The following SNX32 variants were observed in gnomAD, a reference collection of about 807,000 sequenced individuals.
The protein encoded by SNX32 is sorting nexin 32.
In SNX32, 58 loss-of-function variants were observed where a neutral mutation model predicts 57.0. That is an observed-to-expected ratio of 1.02 (90% CI 0.82 to 1.27). The LOEUF (loss-of-function observed/expected upper bound fraction) is 1.27. Ranked by LOEUF, SNX32 falls within the 50% of genes most tolerant of loss-of-function variation. SNX32 has a pLI of 0.00. For missense variants in SNX32, 589 were observed against 541.2 expected (o/e 1.09, Z -0.88); for synonymous variants, 262 against 220.4 (o/e 1.19, Z -1.67).
chr11:65,845,383 A>G (rs1858964385), intron 1 of SNX32, among the ~76,000 whole-genome samples: 1 of 150,956 alleles, frequency 6.6e-6, no homozygotes, highest in Admixed American at 6.6e-5. Flanking sequence ...GGTTGCAGTG[A>G]GCTGAGATCG....
rs190022261 is a variant in SNX32, at chr11:65,843,748, C to T, written c.37-5730C>T. 5.8e-4 allele frequency among the ~76,000 whole-genome samples: 89 copies of T among 152,280 alleles called. 1 individual carries two copies. Among genetic ancestry groups the T allele is most frequent in the Non-Finnish European group, 6.6e-4 (45 of 68,028 alleles). On this transcript the variant is annotated intron_variant, in intron 1 of 12. Coordinates refer to ENST00000308342, the MANE Select transcript of SNX32 (RefSeq NM_152760.3). Reference sequence around the variant, plus strand: ...AAAGACTGTTATGTTGAGCTTGTAACATTTGAACCATTAAGAGTCAAAGGC... The same window carrying T: ...AAAGACTGTTATGTTGAGCTTGTAATATTTGAACCATTAAGAGTCAAAGGC...
intron 1 of SNX32, among the ~76,000 whole-genome samples, chr11:65,845,501 C>T (rs914507502): frequency 4.0e-5 from 6 of 151,216 alleles, no homozygotes; most frequent in African/African-American, 1.5e-4. Context: ...TTTTGGAAGG[C>T]CAAGGTGGGC....
Position 65,850,500 on chromosome 11 carries a change from C to A in SNX32, c.444C>A (p.His148Gln). 3.1e-6 allele frequency: 5 copies of A among 1,614,028 alleles called. No individual in the cohort carries two copies. The highest frequency in any genetic ancestry group is 4.2e-6 in the Non-Finnish European group (5 of 1,179,932). The change falls in exon 5 of 13, where the codon CAC becomes CAA. Residue 148 changes from histidine (H) to glutamine (Q), a missense_variant. His to Gln is a conservative substitution (Grantham distance 24). Coordinates refer to ENST00000308342, the MANE Select transcript of SNX32 (RefSeq NM_152760.3). ...TCTTTCTGCAGCGCCTGGCGGCCCA[C>A]CCCACCCTGCGTCGAGACCACAACT... ...HEVFLQRLAAHPTLRRDHNFF... is the reference protein window; with the variant it reads ...HEVFLQRLAAQPTLRRDHNFF...
At chr11:65,850,645 G>A (rs1487491065) in intron 5 of SNX32, 91 bp downstream of exon 5, 5 of 1,558,842 alleles carry the variant, frequency 3.2e-6, no homozygotes, top group African/African-American at 1.4e-5. Flanking sequence ...TGGAGAAGGG[G>A]CCCAAGTGGG....
intron 1 of SNX32, among the ~76,000 whole-genome samples, chr11:65,848,975 C>T (rs1048527134): frequency 2.6e-5 from 4 of 151,898 alleles, no homozygotes; most frequent in Non-Finnish European, 5.9e-5. Flanking sequence ...GAAACCCCGT[C>T]TCTACTAAAA....
chr11:65,843,885 G>C (rs957534383), intron 1 of SNX32, among the ~76,000 whole-genome samples: 4 of 152,196 alleles, frequency 2.6e-5, no homozygotes, highest in Admixed American at 2.6e-4. Context: ...CTTTCAAAGA[G>C]GTGGCAGGAA....
At position 65,852,710 on chromosome 11, in the gene SNX32, C is replaced by T. The variant is rs1859246167; in HGVS notation, c.993C>T (p.Asn331=). ...NKALDKARTR[N]REVRPAESHQ... is the part of the protein sequence containing the mutation. Reference sequence around the variant, plus strand: ...CGCTGGACAAGGCGCGCACCAGGAACCGGGAGGTGCGGCCCGCCGAGAGCC... The same window carrying T: ...CGCTGGACAAGGCGCGCACCAGGAATCGGGAGGTGCGGCCCGCCGAGAGCC... Residue 331 remains asparagine, a synonymous_variant, in exon 11 of 13, where the codon AAC becomes AAT. Transcript: ENST00000308342. 1 of 1,599,302 alleles carries T rather than the reference C, an allele frequency of 6.3e-7. No homozygotes were observed. The highest frequency in any genetic ancestry group is 2.2e-5 in the East Asian group (1 of 44,490).
intron 9 of SNX32, 32 bp from the exon 10 acceptor site, chr11:65,852,433 C>T: frequency 6.2e-7 from 1 of 1,601,808 alleles, no homozygotes; most frequent in Non-Finnish European, 8.6e-7. Context: ...CTCTGACAAG[C>T]TCCCTTCCCA....
intron 1 of SNX32, among the ~76,000 whole-genome samples, chr11:65,835,079 CTGTG>C (rs150020906): frequency 4.1e-5 from 6 of 146,406 alleles, no homozygotes. Flanking sequence ...GTGCGTGTGT[CTGTG>C]TTTGTCTCGT....
In SNX32 at chr11:65,850,085, A is replaced by T. The variant is rs770669837; in HGVS notation, c.252+55A>T. 6.8e-6 allele frequency: 11 copies of T among 1,614,012 alleles called. No individual in the cohort carries two copies. In the African/African-American group the frequency reaches 1.5e-4, roughly 22 times the overall value. On this transcript the variant is annotated intron_variant, in intron 3 of 12. Coordinates refer to ENST00000308342, the MANE Select transcript of SNX32 (RefSeq NM_152760.3). ...GGACAGGCAGAGCACTTGGGTGAGGACCAAAGGCTGTGATGGCCGTCTCGG... is the reference window on the plus strand; with the variant it reads ...GGACAGGCAGAGCACTTGGGTGAGGTCCAAAGGCTGTGATGGCCGTCTCGG...
chr11:65,839,269 G>A (rs1221273968), intron 1 of SNX32, among the ~76,000 whole-genome samples: 2 of 75,692 alleles, frequency 2.6e-5, no homozygotes, highest in Non-Finnish European at 4.9e-5. Flanking sequence ...TCGCTCTGTC[G>A]CCCAGGCTGG....
At chr11:65,851,862 CGTGT>C (rs1345242568) in intron 9 of SNX32, among the ~76,000 whole-genome samples, 183 bp downstream of exon 9, 1 of 152,188 alleles carries the variant, frequency 6.6e-6, no homozygotes, top group African/African-American at 2.4e-5. Context: ...GATCCAGCTT[CGTGT>C]GTGTGTTGGG....
At chr11:65,837,112 T>C (rs569375003) in intron 1 of SNX32, among the ~76,000 whole-genome samples, 2 of 151,716 alleles carry the variant, frequency 1.3e-5, no homozygotes, top group African/African-American at 4.8e-5. Context: ...TAAAATACTA[T>C]TTAAATAATC....
At chr11:65,851,201 T>C (rs767088583) in intron 7 of SNX32, 41 bp downstream of exon 7, 18 of 1,602,884 alleles carry the variant, frequency 1.1e-5, no homozygotes, top group Admixed American at 1.7e-5. Flanking sequence ...CCTGCCCCTC[T>C]CCCCAGCGGT....
intron 1 of SNX32, among the ~76,000 whole-genome samples, chr11:65,848,462 C>A (rs1165166493): frequency 6.6e-6 from 1 of 151,078 alleles, no homozygotes; most frequent in Non-Finnish European, 1.5e-5. Context: ...CCCAGCTACC[C>A]GGGAGGCTAA....
chr11:65,853,033 G>C lies in SNX32; in HGVS notation c.1158+75G>C. The stretch of plus-strand genomic sequence containing the variant: ...CTCCCTCCCTCCCCCAGGCACCAGG[G>C]TGTGCGTGCATGTGAGGGTGTGCAC... On this transcript the variant is annotated intron_variant, in intron 12 of 12. Transcript: ENST00000308342. 2.0e-6 allele frequency: 3 copies of C among 1,512,856 alleles called. No homozygotes were observed. In the South Asian group the frequency reaches 3.4e-5, roughly 17 times the overall value. The allele number at this position is 1,512,856 out of a possible 1,614,324, so 93.7% of individuals were successfully genotyped here. A position where few individuals can be genotyped will look rare whatever the true frequency, so the allele number is the denominator to read the frequency against.
At chr11:65,853,017 TC>T in intron 12 of SNX32, 59 bp downstream of exon 12, 1 of 1,494,860 alleles carries the variant, frequency 6.7e-7, no homozygotes, top group Non-Finnish European at 9.2e-7. Flanking sequence ...CCTCCCTCCC[TC>T]CCCCAGGCAC....
Position 65,853,472 on chromosome 11 carries a change from G to A in SNX32, c.*137G>A. On this transcript the variant is annotated 3_prime_UTR_variant, in exon 13 of 13. Coordinates refer to ENST00000308342, the MANE Select transcript of SNX32 (RefSeq NM_152760.3). The stretch of plus-strand genomic sequence containing the variant: ...CTCACTCTGCCCCACATCCTCTCAG[G>A]GAAAGCCCAAACCCCCTATCACCAC... 3 of 881,244 alleles carry A rather than the reference G, an allele frequency of 3.4e-6. No individual in the cohort carries two copies. Among genetic ancestry groups the A allele is most frequent in the Non-Finnish European group, 5.4e-6 (3 of 552,348 alleles). The allele number at this position is 881,244 out of a possible 1,614,324, so 54.6% of individuals were successfully genotyped here.
chr11:65,851,637 T>C lies in SNX32; in HGVS notation c.786-3T>C. ...CCCTAACTCCCTCCCTACTGCTTCCTAGGAGCTTCCTCAAATTGGCAGAGC... is the reference window on the plus strand; with the variant it reads ...CCCTAACTCCCTCCCTACTGCTTCCCAGGAGCTTCCTCAAATTGGCAGAGC... On this transcript the variant is annotated splice_region_variant and splice_polypyrimidine_tract_variant and intron_variant, in intron 8 of 12. Coordinates refer to ENST00000308342, the MANE Select transcript of SNX32 (RefSeq NM_152760.3). 1.9e-6 allele frequency: 3 copies of C among 1,614,040 alleles called. No individual in the cohort carries two copies. In the Middle Eastern group the frequency reaches 5.0e-4, roughly 266 times the overall value.
Sources: gnomAD v4.1 joint callset for allele counts (sites outside exome capture counted in the v4.1 genomes callset) on GRCh38, gnomAD v4.1.1 for gene constraint, MANE v1.5 for transcripts, NCBI Gene and HGNC (gene_info 2026-07-23, HGNC 2026-07-21) for gene names.